Variants in ATXN1 observed in about 807,000 individuals in gnomAD.
ATXN1 encodes the protein ataxin 1.
ATXN1 carries 8 observed loss-of-function variants against 56.4 expected under a neutral mutation model. That is an observed-to-expected ratio of 0.14 (90% CI 0.08 to 0.26). The LOEUF is 0.26. ATXN1 is among the 10% of genes least tolerant of loss of function. The pLI, the probability that ATXN1 is intolerant of heterozygous loss-of-function variation, is 1.00. For missense variants in ATXN1, 987 were observed against 1,106.5 expected (o/e 0.89, Z 1.53); for synonymous variants, 514 against 494.6 (o/e 1.04, Z -0.52).
intron 6 of ATXN1, among the ~76,000 whole-genome samples, chr6:16,456,906 G>A (rs960303818): frequency 6.6e-5 from 10 of 152,176 alleles, no homozygotes; most frequent in African/African-American, 2.4e-4. Context: ...TCCCTCCTCA[G>A]ACTAGCAGAC....
intron 3 of ATXN1, among the ~76,000 whole-genome samples, chr6:16,632,854 G>A (rs189910757): frequency 3.7e-4 from 56 of 152,066 alleles, no homozygotes; most frequent in South Asian, 1.5e-3. Flanking sequence ...AAAATTAGCC[G>A]GGTGTGGTGG....
Position 16,760,050 on chromosome 6 carries a change from G to A in ATXN1, c.-730+1248C>T, listed in dbSNP as rs1182589537. On this transcript the variant is annotated intron_variant, in intron 1 of 7. Transcript: ENST00000436367. This position sits in a 1 kb window ranked among gnomAD's most constrained non-coding sequence, Gnocchi z 5.3. ...CACACTCACGCCGCGCTCCGACACC[G>A]CCTCACCTCTCGCTCCGCCCGTCCG... Among the ~76,000 whole-genome samples the A allele has an allele frequency of 6.6e-6, 1 of 151,338 alleles. No individual in the cohort carries two copies. Among genetic ancestry groups the A allele is most frequent in the Non-Finnish European group, 1.5e-5 (1 of 67,778 alleles).
intron 2 of ATXN1, among the ~76,000 whole-genome samples, chr6:16,736,399 G>A (rs1158149627): frequency 6.6e-6 from 1 of 152,176 alleles, no homozygotes; most frequent in Non-Finnish European, 1.5e-5. Flanking sequence ...TAACACAACA[G>A]TTCTCCTAGT....
intron 6 of ATXN1, among the ~76,000 whole-genome samples, chr6:16,331,094 G>C (rs556850166): frequency 1.3e-5 from 2 of 151,988 alleles, no homozygotes; most frequent in South Asian, 4.2e-4. Context: ...TCCGCCTCCC[G>C]GGTTCAAGCG....
At chr6:16,378,718 C>G (rs1235321934) in intron 6 of ATXN1, among the ~76,000 whole-genome samples, 15 of 152,104 alleles carry the variant, frequency 9.9e-5, no homozygotes, top group Admixed American at 9.8e-4. Context: ...ACCACCACCC[C>G]TGGCTAATTT....
At chr6:16,438,803 A>T (rs1043811450) in intron 6 of ATXN1, among the ~76,000 whole-genome samples, 5 of 152,210 alleles carry the variant, frequency 3.3e-5, no homozygotes, top group African/African-American at 1.2e-4. Flanking sequence ...TCTTAAAATA[A>T]CAGAATGAAA....
intron 2 of ATXN1, among the ~76,000 whole-genome samples, chr6:16,709,412 G>C (rs1759477889): frequency 6.6e-6 from 1 of 152,114 alleles, no homozygotes; most frequent in East Asian, 1.9e-4. Flanking sequence ...TTAAGAAATT[G>C]AATTCAGTAT....
intron 2 of ATXN1, among the ~76,000 whole-genome samples, chr6:16,735,858 A>G (rs909884853): frequency 1.3e-5 from 2 of 152,218 alleles, no homozygotes; most frequent in Non-Finnish European, 2.9e-5. Flanking sequence ...AAATAATACA[A>G]AAAAAGCATC....
At chr6:16,373,872 C>A (rs1259978333) in intron 6 of ATXN1, among the ~76,000 whole-genome samples, 1 of 152,108 alleles carries the variant, frequency 6.6e-6, no homozygotes, top group Admixed American at 6.6e-5. Context: ...CAGACTAATA[C>A]AGGGCATCAC....
At chr6:16,354,880 T>C (rs1761652623) in intron 6 of ATXN1, among the ~76,000 whole-genome samples, 1 of 152,240 alleles carries the variant, frequency 6.6e-6, no homozygotes. Flanking sequence ...AGCAGCCATG[T>C]GGTCTTGTAG....
intron 2 of ATXN1, among the ~76,000 whole-genome samples, chr6:16,720,768 G>A (rs1276432071): frequency 6.6e-6 from 1 of 152,212 alleles, no homozygotes; most frequent in Non-Finnish European, 1.5e-5. Flanking sequence ...GTGAGCCTGA[G>A]TAAGTAATTA....
At chr6:16,346,790 G>A (rs1024235121) in intron 6 of ATXN1, among the ~76,000 whole-genome samples, 1 of 152,224 alleles carries the variant, frequency 6.6e-6, no homozygotes, top group African/African-American at 2.4e-5. Context: ...CGGCTCTTGA[G>A]GAGCCCTTCA....
At chr6:16,647,040 T>C (rs1337115703) in intron 3 of ATXN1, among the ~76,000 whole-genome samples, 1 of 152,204 alleles carries the variant, frequency 6.6e-6, no homozygotes, top group Non-Finnish European at 1.5e-5. Flanking sequence ...AGTCTCGCTC[T>C]GTCACCCAGG....
At chr6:16,478,634 T>C (rs1760375650) in intron 6 of ATXN1, among the ~76,000 whole-genome samples, 1 of 152,216 alleles carries the variant, frequency 6.6e-6, no homozygotes, top group Admixed American at 6.5e-5. Flanking sequence ...GGGTGAGTTT[T>C]ACAATGCTTA....
chr6:16,565,450 A>G (rs1762200335), intron 4 of ATXN1, among the ~76,000 whole-genome samples: 1 of 152,224 alleles, frequency 6.6e-6, no homozygotes, highest in South Asian at 2.1e-4. Flanking sequence ...CTCTAACATC[A>G]TATTATTACT....
chr6:16,559,764 AAAG>A (rs1253282786), intron 4 of ATXN1, among the ~76,000 whole-genome samples: 2 of 152,206 alleles, frequency 1.3e-5, no homozygotes, highest in African/African-American at 4.8e-5. Context: ...AAAAGAAAGA[AAAG>A]AAACCAAGCA....
chr6:16,523,394 G>T (rs1761331689), intron 4 of ATXN1, among the ~76,000 whole-genome samples: 1 of 152,180 alleles, frequency 6.6e-6, no homozygotes, highest in South Asian at 2.1e-4. Context: ...GGGGAATTCA[G>T]TGACCGTGGA....
intron 5 of ATXN1, among the ~76,000 whole-genome samples, chr6:16,488,383 G>T (rs188196756): frequency 1.3e-4 from 20 of 152,230 alleles, no homozygotes; most frequent in African/African-American, 4.8e-4. Flanking sequence ...GATGATTACG[G>T]TATTTTTACT....
intron 5 of ATXN1, among the ~76,000 whole-genome samples, chr6:16,494,666 G>T (rs1373543505): frequency 6.6e-6 from 1 of 152,142 alleles, no homozygotes; most frequent in African/African-American, 2.4e-5. Flanking sequence ...ATACATTGGA[G>T]AAAAGTATGT....
Sources: gnomAD v4.1 joint callset for allele counts (sites outside exome capture counted in the v4.1 genomes callset) on GRCh38, gnomAD v4.1.1 for gene constraint, Gnocchi (gnomAD v3.1) non-coding constraint, MANE v1.5 for transcripts, NCBI Gene and HGNC (gene_info 2026-07-23, HGNC 2026-07-21) for gene names.